The following CLUH variants were observed in gnomAD, a reference collection of about 807,000 sequenced individuals.
CLUH encodes the protein CLUH binding protein of NUMT mRNA, also known as clustered mitochondria protein homolog.
A neutral mutation model predicts 139.3 loss-of-function variants in CLUH; 77 were observed. The observed-to-expected ratio is 0.55, with a 90% CI of 0.46 to 0.67. The LOEUF is 0.67. CLUH is among the 30% of genes least tolerant of loss of function. The pLI, the probability that CLUH is intolerant of heterozygous loss-of-function variation, is 0.00. For missense variants in CLUH, 1,876 were observed against 1,875.8 expected (o/e 1.00, Z 0.00); for synonymous variants, 999 against 801.6 (o/e 1.25, Z -4.16).
rs2070131793 is a variant in CLUH at position 2,700,376 on chromosome 17, A to G, written c.1266+6T>C. ...CAGACTGCCGGTCAGCAGAGGCTGC[A>G]GGCACCTTGAATATGGCCCTTTCTC... On this transcript the variant is annotated splice_donor_region_variant and intron_variant, in intron 9 of 25. Transcript: ENST00000651024. 1.9e-6 allele frequency: 3 copies of G among 1,611,254 alleles called. No homozygotes were observed. Among genetic ancestry groups the G allele is most frequent in the East Asian group, 2.2e-5 (1 of 44,790 alleles).
At chr17:2,711,503 C>T (rs2070522589) in intron 1 of CLUH, 59 bp downstream of exon 1, 1 of 362,700 alleles carries the variant, frequency 2.8e-6, no homozygotes. Context: ...AGTCCCGAAC[C>T]CGCCCGCCCT....
chr17:2,696,544 G>T lies in CLUH; in HGVS notation c.2186-6C>A. 6.4e-7 allele frequency: 1 copy of T among 1,563,048 alleles called. No individual in the cohort carries two copies. On this transcript the variant is annotated splice_region_variant and splice_polypyrimidine_tract_variant and intron_variant, in intron 11 of 25. Transcript: ENST00000651024. ...CTCCCGGCTCCGAGGGTCTGCTGTG[G>T]AGACATGGCTCCATGAGACACGGGT...
At chr17:2,690,864 A>C in intron 25 of CLUH, 87 bp from the exon 26 acceptor site, 7 of 1,111,180 alleles carry the variant, frequency 6.3e-6, no homozygotes, top group Non-Finnish European at 8.6e-6. Flanking sequence ...GGATAAGCTC[A>C]GGCTCTGCGC....
Position 2,698,406 on chromosome 17 carries a change from T to C in CLUH, c.1451A>G (p.Tyr484Cys). Residue 484 changes from tyrosine to cysteine, a missense_variant, in exon 10 of 26, where the codon TAC becomes TGC. Tyr to Cys is a radical substitution (Grantham distance 194, BLOSUM62 -2). This residue lies in a region of CLUH where 1,454 missense variants were observed against 1,384.4 expected (regional missense o/e 1.05). Coordinates refer to ENST00000651024, the MANE Select transcript of CLUH (RefSeq NM_001366661.1). Reference sequence around the variant, plus strand: ...ATTCAGGTCGTTGGTGGGCGCCACGTAGGCCGCCACGTCCCCCCCGAAGTC... The same window carrying C: ...ATTCAGGTCGTTGGTGGGCGCCACGCAGGCCGCCACGTCCCCCCCGAAGTC... ...YKDFGGDVAA[Y>C]VAPTNDLNGV... 6.2e-7 allele frequency: 1 copy of C among 1,613,152 alleles called. No homozygotes were observed. The highest frequency in any genetic ancestry group is 8.5e-7 in the Non-Finnish European group (1 of 1,179,750).
chr17:2,690,715 C>T lies in CLUH; in HGVS notation c.3926G>A (p.Ser1309Asn), dbSNP rs760207056. The part of the protein sequence containing the change: ...VARRHQLQEA[S>N]RNRDRAEEPM... Reference sequence around the variant, plus strand: ...CTCCTCGGCTCTATCCCTGTTTCTGCTGGCCTCCTGGAGCTGGTGCCGCCG... The same window carrying T: ...CTCCTCGGCTCTATCCCTGTTTCTGTTGGCCTCCTGGAGCTGGTGCCGCCG... The change falls in exon 26 of 26, where the codon AGC becomes AAC. Residue 1309 changes from serine to asparagine, a missense_variant. Ser to Asn is a conservative substitution (Grantham distance 46). Around this residue, in one of 3 missense-constraint regions of CLUH, gnomAD observed 1,454 missense variants for 1,384.4 expected, o/e 1.05. Coordinates refer to ENST00000651024, the MANE Select transcript of CLUH (RefSeq NM_001366661.1). 6 of 1,559,566 alleles carry T rather than the reference C, an allele frequency of 3.8e-6. No individual in the cohort carries two copies. Among genetic ancestry groups the T allele is most frequent in the Admixed American group, 2.1e-5 (1 of 48,012 alleles).
intron 9 of CLUH, 56 bp from the exon 10 acceptor site, chr17:2,698,646 C>A: frequency 6.8e-7 from 1 of 1,468,250 alleles, no homozygotes; most frequent in South Asian, 1.3e-5. Context: ...AGCCTGCATC[C>A]ACCTGGCCAA....
At chr17:2,696,622 T>C (rs770022017) in intron 11 of CLUH, 84 bp from the exon 12 acceptor site, 13 of 1,542,588 alleles carry the variant, frequency 8.4e-6, no homozygotes, top group South Asian at 1.2e-5. Flanking sequence ...CCCTAGCTCC[T>C]TGCAGAGATG....
Position 2,698,051 on chromosome 17 carries a change from G to A in CLUH, c.1806C>T (p.Leu602=), listed in dbSNP as rs567971681. 14 of 1,606,474 alleles carry A rather than the reference G, an allele frequency of 8.7e-6. No homozygotes were observed. In the East Asian group the frequency reaches 1.6e-4, roughly 18 times the overall value. ...IIGNDGRHYI[L]DLLRTFPPDL... ...CCGGGGGGAAGGTGCGCAGCAGGTCGAGGATGTAGTGGCGCCCGTCGTTGC... is the reference window on the plus strand; with the variant it reads ...CCGGGGGGAAGGTGCGCAGCAGGTCAAGGATGTAGTGGCGCCCGTCGTTGC... The change falls in exon 10 of 26, where the codon CTC becomes CTT. Residue 602 remains leucine, a synonymous_variant. Coordinates refer to ENST00000651024, the MANE Select transcript of CLUH (RefSeq NM_001366661.1).
intron 7 of CLUH, 62 bp downstream of exon 7, chr17:2,701,078 G>T: frequency 6.2e-7 from 1 of 1,610,640 alleles, no homozygotes. Flanking sequence ...AGTGCAGGTG[G>T]GCCGGCTCAC....
chr17:2,694,687 A>AGCCTCCCGGCT, intron 16 of CLUH, 123 bp from the exon 17 acceptor site: 1 of 1,274,894 alleles, frequency 7.8e-7, no homozygotes. Flanking sequence ...GGCCCCCGGG[A>AGCCTCCCGGCT]GCCTCCCGGC....
At chr17:2,696,356 C>A in intron 12 of CLUH, 78 bp downstream of exon 12, 3 of 1,513,714 alleles carry the variant, frequency 2.0e-6, no homozygotes, top group Non-Finnish European at 2.7e-6. Flanking sequence ...GACAAACCCA[C>A]CAGCCCCAAG....
rs2070340702 is a variant in CLUH, at chr17:2,706,047, G to A, written c.101-1483C>T. On this transcript the variant is annotated intron_variant, in intron 1 of 25. Coordinates refer to ENST00000651024, the MANE Select transcript of CLUH (RefSeq NM_001366661.1). The surrounding 1 kb of genome is among the most constrained non-coding windows in gnomAD (Gnocchi z 4.6). Reference sequence around the variant, plus strand: ...TTCAACGGTCCCAACTCTGAGGAGTGCCTGGGTTCCCTTCCAGAAAGAAGA... The same window carrying A: ...TTCAACGGTCCCAACTCTGAGGAGTACCTGGGTTCCCTTCCAGAAAGAAGA... Among the ~76,000 whole-genome samples, 1 of 152,144 alleles carries A rather than the reference G, an allele frequency of 6.6e-6. No individual in the cohort carries two copies. The highest frequency in any genetic ancestry group is 2.1e-4 in the South Asian group (1 of 4,830).
Position 2,690,616 on chromosome 17 carries a change from G to A in CLUH, c.4025C>T (p.Pro1342Leu), listed in dbSNP as rs767546776. Residue 1342 changes from proline (P) to leucine (L), a missense_variant, in exon 26 of 26, where the codon CCT becomes CTT. Pro to Leu is a moderately conservative substitution (Grantham distance 98). Transcript: ENST00000651024. ...TCTCTATCCCTGCACGCTCGGAGAA[G>A]GGTCCTTGGCAGCCGGGGGCTGGGA... The part of the protein sequence containing the change: ...LGSQPPAAKD[P>L]SPSVQG The A allele has an allele frequency of 1.3e-6, 2 of 1,495,544 alleles. No homozygotes were observed. The highest frequency in any genetic ancestry group is 2.6e-5 in the East Asian group (1 of 38,166). 92.6% of individuals were successfully genotyped at this position (1,495,544 alleles called of 1,614,324 possible). A position where few individuals can be genotyped will look rare whatever the true frequency, so the allele number is the denominator to read the frequency against.
At chr17:2,695,813 G>A (rs1309531776) in intron 13 of CLUH, 1 of 582,802 alleles carries the variant, frequency 1.7e-6, no homozygotes, top group East Asian at 2.9e-5. Flanking sequence ...GGAGGCCACG[G>A]TGTTGGGGGA....
Position 2,698,231 on chromosome 17 carries a change from G to A in CLUH, c.1626C>T (p.Ser542=). 1.3e-6 allele frequency: 2 copies of A among 1,595,414 alleles called. No homozygotes were observed. The highest frequency in any genetic ancestry group is 1.3e-5 in the African/African-American group (1 of 74,598). ...ACACCACGGTCTTGCCGAAGTCGAT[G>A]GAGCCGTAGATGACGCTCTGCTCCT... ...RDQEQSVIYG[S]IDFGKTVVSH... The change falls in exon 10 of 26, where the codon TCC becomes TCT. Residue 542 remains serine (S), a synonymous_variant. Transcript: ENST00000651024.
In CLUH at chr17:2,696,748, G is replaced by A; in HGVS notation, c.2156C>T (p.Ala719Val). The change falls in exon 11 of 26, where the codon GCA (alanine) becomes GTA (valine). Residue 719 changes from alanine (A) to valine (V), a missense_variant. Transcript: ENST00000651024. Reference protein sequence around the residue: ...ASGLAKVKELAETIAADDGTA... With the variant: ...ASGLAKVKELVETIAADDGTA... Reference sequence around the variant, plus strand: ...GCCGTCGTCTGCGGCGATGGTCTCTGCCAGCTCCTTCACCTTGGCCAGGCC... The same window carrying A: ...GCCGTCGTCTGCGGCGATGGTCTCTACCAGCTCCTTCACCTTGGCCAGGCC... 1 of 1,612,446 alleles carries A rather than the reference G, an allele frequency of 6.2e-7. No individual in the cohort carries two copies. Among genetic ancestry groups the A allele is most frequent in the Non-Finnish European group, 8.5e-7 (1 of 1,179,882 alleles).
At chr17:2,700,639 C>T in intron 8 of CLUH, 39 bp downstream of exon 8, 1 of 1,516,518 alleles carries the variant, frequency 6.6e-7, no homozygotes, top group Non-Finnish European at 8.8e-7. Context: ...CCCAGGAGGG[C>T]AGGGGTGCCC....
Position 2,698,289 on chromosome 17 carries a change from T to G in CLUH, c.1568A>C (p.Gln523Pro). The G allele has an allele frequency of 3.1e-6, 5 of 1,612,030 alleles. No homozygotes were observed. The highest frequency in any genetic ancestry group is 4.2e-6 in the Non-Finnish European group (5 of 1,179,444). ...CTCCAGGATGCCGGGGATGATGGAC[T>G]GGGCCGTGACCCGGTAGCCGCGGTA... ...VDYRGYRVTA[Q>P]SIIPGILERD... Residue 523 changes from glutamine to proline, a missense_variant, in exon 10 of 26, where the codon CAG (glutamine) becomes CCG (proline). This residue lies in a region of CLUH where 1,454 missense variants were observed against 1,384.4 expected (regional missense o/e 1.05). Coordinates refer to ENST00000651024, the MANE Select transcript of CLUH (RefSeq NM_001366661.1).
rs772082865 is a variant in CLUH at position 2,691,997 on chromosome 17, C to CCCGCCCCGCCCCGCCCCGCCCCCGCT, written c.3654+6_3654+7insAGCGGGGGCGGGGCGGGGCGGGGCGG. ...GCCCCCGCCCCCGCCACGCCCCCGC[C>CCCGCCCCGCCCCGCCCCGCCCCCGCT]GCGCACCTGCGTCTTGTAGATGGTG... On this transcript the variant is annotated splice_region_variant and intron_variant, in intron 23 of 25. Transcript: ENST00000651024. The CCCGCCCCGCCCCGCCCCGCCCCCGCT allele has an allele frequency of 8.1e-7, 1 of 1,234,906 alleles. No homozygotes were observed. The highest frequency in any genetic ancestry group is 1.5e-5 in the African/African-American group (1 of 65,928). 76.5% of individuals were successfully genotyped at this position (1,234,906 alleles called of 1,614,324 possible).
Sources: gnomAD v4.1 joint callset for allele counts (sites outside exome capture counted in the v4.1 genomes callset) on GRCh38, gnomAD v4.1.1 for gene constraint, gnomAD v4.1.1 regional missense constraint, Gnocchi (gnomAD v3.1) non-coding constraint, MANE v1.5 for transcripts, NCBI Gene and HGNC (gene_info 2026-07-23, HGNC 2026-07-21) for gene names.